EIPR1: variants seen among roughly 807,000 people sequenced by gnomAD.
The protein encoded by EIPR1 is EARP complex and GARP complex interacting protein 1.
EIPR1 carries 25 observed loss-of-function variants against 48.1 expected under a neutral mutation model. That is an observed-to-expected ratio of 0.52 (90% CI 0.38 to 0.73). The LOEUF (loss-of-function observed/expected upper bound fraction) is 0.73, where lower values mean the gene tolerates loss of function less well. Among genes scored for constraint, EIPR1 ranks in the 30% least tolerant of loss-of-function variants. The pLI is 0.00. For synonymous variants in EIPR1, 204 were observed against 201.9 expected, an observed-to-expected ratio of 1.01 and a Z score of -0.09; for missense variants, 415 against 506.2, an observed-to-expected ratio of 0.82 and a Z score of 1.73.
rs770344968 is a variant in EIPR1, at chr2:3,287,805, T to TAGAAAGCTCATTCACCATGCTCC, written c.260-30373_260-30351dup. 3.2e-4 allele frequency among the ~76,000 whole-genome samples: 20 copies of TAGAAAGCTCATTCACCATGCTCC among 62,466 alleles called. 1 individual carries two copies. The highest frequency in any genetic ancestry group is 1.3e-3 in the East Asian group (3 of 2,386). 41.0% of individuals were successfully genotyped at this position (62,466 alleles called of 152,430 possible). ...TCCAGAAAGCTCATTCACCATGCTC[T>TAGAAAGCTCATTCACCATGCTCC]AGAAAGCTCATTCACCATGCTCCAG... On this transcript the variant is annotated intron_variant, in intron 3 of 8. Coordinates refer to ENST00000382125, the MANE Select transcript of EIPR1 (RefSeq NM_003310.5).
intron 3 of EIPR1, among the ~76,000 whole-genome samples, chr2:3,323,145 T>C (rs925771721): frequency 1.3e-5 from 2 of 151,954 alleles, no homozygotes; most frequent in Non-Finnish European, 2.9e-5. Flanking sequence ...AAGAGGATAA[T>C]CTCTCAGGAT....
At chr2:3,354,728 T>C in intron 1 of EIPR1, 95 bp from the exon 2 acceptor site, 3 of 1,223,350 alleles carry the variant, frequency 2.5e-6, no homozygotes, top group South Asian at 2.5e-5. Context: ...TCTCATCTAC[T>C]GTTGATAAAG....
chr2:3,264,138 CCCT>C lies in EIPR1; in HGVS notation c.260-6686_260-6684del, dbSNP rs570933804. Among the ~76,000 whole-genome samples the C allele has an allele frequency of 7.9e-5, 12 of 152,320 alleles. No individual in the cohort carries two copies. In the South Asian group the frequency reaches 2.1e-3, roughly 26 times the overall value. On this transcript the variant is annotated intron_variant, in intron 3 of 8. Coordinates refer to ENST00000382125, the MANE Select transcript of EIPR1 (RefSeq NM_003310.5). ...ACTTTGTATCCTTTCACCAACATCT[CCCT>C]TTTCCCCATCCGCCCTCCCGCCAGC...
At chr2:3,294,824 C>CT (rs1668491131) in intron 3 of EIPR1, among the ~76,000 whole-genome samples, 1 of 148,244 alleles carries the variant, frequency 6.7e-6, no homozygotes, top group African/African-American at 2.5e-5. Context: ...TCCACACACC[C>CT]TCCATCCAGC....
intron 3 of EIPR1, among the ~76,000 whole-genome samples, chr2:3,297,038 T>TTAACATGC (rs56160178): frequency 0.34 from 52,214 of 151,728 alleles, 9,082 homozygotes; most frequent in African/African-American, 0.38. Context: ...GTGGTGGCAG[T>TTAACATGC]TTCTCTCTGT....
chr2:3,249,260 G>A lies in EIPR1; in HGVS notation c.416+8039C>T, dbSNP rs559453356. Among the ~76,000 whole-genome samples, 15 of 152,334 alleles carry A rather than the reference G, an allele frequency of 9.8e-5. No homozygotes were observed. In the South Asian group the frequency reaches 2.1e-3, roughly 21 times the overall value. On this transcript the variant is annotated intron_variant, in intron 4 of 8. Transcript: ENST00000382125. ...CTGATGAGGTCTCAGATGGAAATGA[G>A]GAAGCTATTTGAAACTGGAGCAAAG...
chr2:3,360,201 C>G (rs1339471036), intron 1 of EIPR1, among the ~76,000 whole-genome samples: 1 of 151,988 alleles, frequency 6.6e-6, no homozygotes, highest in Non-Finnish European at 1.5e-5. Flanking sequence ...GTCAGGAGTT[C>G]GAGACCAGCC....
intron 2 of EIPR1, among the ~76,000 whole-genome samples, chr2:3,351,507 A>G (rs1670577570): frequency 6.6e-6 from 1 of 152,156 alleles, no homozygotes; most frequent in African/African-American, 2.4e-5. Flanking sequence ...TTTGGAAGGC[A>G]GACTGGCGTG....
chr2:3,271,088 G>A (rs1667689416), intron 3 of EIPR1, among the ~76,000 whole-genome samples: 1 of 152,158 alleles, frequency 6.6e-6, no homozygotes, highest in Non-Finnish European at 1.5e-5. Flanking sequence ...TCATCCTTAA[G>A]AAGCAATTTC....
intron 5 of EIPR1, among the ~76,000 whole-genome samples, chr2:3,198,966 A>G (rs1429638510): frequency 6.7e-6 from 1 of 149,546 alleles, no homozygotes; most frequent in Non-Finnish European, 1.5e-5. Context: ...TCCTAATCCT[A>G]GCAAGCCTGG....
chr2:3,246,789 GAGGGAGGGAGGGAGGC>G (rs1194278961), intron 4 of EIPR1, among the ~76,000 whole-genome samples: 1 of 99,362 alleles, frequency 1.0e-5, no homozygotes, highest in African/African-American at 4.0e-5. Flanking sequence ...GGGAGAAACG[GAGGGAGGGAGGGAGGC>G]AGGGAGGGAG....
At chr2:3,231,375 T>A (rs6748483) in intron 4 of EIPR1, among the ~76,000 whole-genome samples, 139,195 of 152,246 alleles carry the variant, frequency 0.91, 64,124 homozygotes, top group East Asian at 0.98. Context: ...TTCCAGTTAT[T>A]ATGATGGATA....
At chr2:3,257,123 C>T (rs1172546166) in intron 4 of EIPR1, among the ~76,000 whole-genome samples, 176 bp downstream of exon 4, 2 of 152,142 alleles carry the variant, frequency 1.3e-5, no homozygotes, top group African/African-American at 2.4e-5. Flanking sequence ...TCTGTCAATG[C>T]GGCTAATCTA....
intron 3 of EIPR1, among the ~76,000 whole-genome samples, chr2:3,306,936 C>T (rs1287087238): frequency 1.3e-5 from 2 of 151,878 alleles, no homozygotes; most frequent in South Asian, 2.1e-4. Flanking sequence ...CATAAATATA[C>T]GGTTTCAAAC....
In EIPR1 at chr2:3,192,568, G is replaced by A. The variant is rs766526306; in HGVS notation, c.835C>T (p.Arg279Cys). Residue 279 changes from arginine to cysteine, a missense_variant, in exon 8 of 9, where the codon CGC becomes TGC. Arg to Cys is a radical substitution (Grantham distance 180). Coordinates refer to ENST00000382125, the MANE Select transcript of EIPR1 (RefSeq NM_003310.5). ...EEHSHWVWNV[R>C]YNHSHDQLVL... ...AGCTGGTCATGAGAGTGGTTGTAGC[G>A]GACGTTCCACACCCTGCAAAGGGCA... 1.6e-5 allele frequency: 25 copies of A among 1,611,740 alleles called. No individual in the cohort carries two copies. Among genetic ancestry groups the A allele is most frequent in the East Asian group, 2.2e-5 (1 of 44,824 alleles).
At chr2:3,225,787 C>T (rs547763445) in intron 4 of EIPR1, among the ~76,000 whole-genome samples, 1 of 152,112 alleles carries the variant, frequency 6.6e-6, no homozygotes, top group Non-Finnish European at 1.5e-5. Flanking sequence ...TTGACCAGCA[C>T]CTCCCACTTT....
chr2:3,212,685 A>G (rs1010804281), intron 5 of EIPR1, among the ~76,000 whole-genome samples: 13 of 152,326 alleles, frequency 8.5e-5, no homozygotes, highest in African/African-American at 3.1e-4. Context: ...GAGATTATGG[A>G]CATATATCCC....
chr2:3,226,577 C>T (rs988143144), intron 4 of EIPR1, among the ~76,000 whole-genome samples: 2 of 152,114 alleles, frequency 1.3e-5, no homozygotes, highest in African/African-American at 2.4e-5. Context: ...TTCATTTTGC[C>T]GATGTTTCTT....
intron 4 of EIPR1, among the ~76,000 whole-genome samples, chr2:3,249,898 T>C (rs992375291): frequency 6.6e-6 from 1 of 152,334 alleles, no homozygotes; most frequent in East Asian, 1.9e-4. Flanking sequence ...CACATGGTGC[T>C]AAGTCTGTGG....
Sources: gnomAD v4.1 joint callset for allele counts (sites outside exome capture counted in the v4.1 genomes callset) on GRCh38, gnomAD v4.1.1 for gene constraint, MANE v1.5 for transcripts, NCBI Gene and HGNC (gene_info 2026-07-23, HGNC 2026-07-21) for gene names.